The following SIK3 variants were observed in gnomAD, a reference collection of about 807,000 sequenced individuals.
The protein encoded by SIK3 is serine/threonine-protein kinase SIK3.
In SIK3, 28 loss-of-function variants were observed where a neutral mutation model predicts 144.2. The ratio of observed to expected loss-of-function variants is 0.19; its 90% CI spans 0.14 to 0.27. The LOEUF (loss-of-function observed/expected upper bound fraction) is 0.27. Among genes scored for constraint, SIK3 ranks in the 10% least tolerant of loss-of-function variants. The pLI is 1.00. For synonymous variants in SIK3, 686 were observed against 676.3 expected (o/e 1.01, Z -0.22); for missense variants, 1,319 against 1,776.0 (o/e 0.74, Z 4.62).
Position 116,957,041 on chromosome 11 carries a change from C to A in SIK3, c.297G>T (p.Lys99Asn). ...TCAAGTTTTCTTCATCCAGCTGGGT[C>A]TTATCTATGATCTTGATAGCAACCT... is the stretch of plus-strand genomic sequence containing the variant. ...KAKVAIKIID[K>N]TQLDEENLKK... The change falls in exon 2 of 25, where the codon AAG becomes AAT. Residue 99 changes from lysine (K) to asparagine (N), a missense_variant. This residue lies in a region of SIK3 where 125 missense variants were observed against 285.2 expected (regional missense o/e 0.44). Transcript: ENST00000445177. 1 of 1,607,042 alleles carries A rather than the reference C, an allele frequency of 6.2e-7. No homozygotes were observed. The highest frequency in any genetic ancestry group is 1.1e-5 in the South Asian group (1 of 89,636).
At position 116,844,647 on chromosome 11, in the gene SIK3, TTA is replaced by T. The variant is rs1409435191; in HGVS notation, c.*994_*995del. ...TATATATAATATATTATATTATATA[TTA>T]TATATATAATATATATATACACATA... On this transcript the variant is annotated 3_prime_UTR_variant, in exon 25 of 25. Coordinates refer to ENST00000445177, the MANE Select transcript of SIK3 (RefSeq NM_001366686.3). 5.5e-5 allele frequency: 6 copies of T among 109,514 alleles called. No homozygotes were observed. The highest frequency in any genetic ancestry group is 3.1e-4 in the South Asian group (1 of 3,224). The allele number at this position is 109,514 out of a possible 1,614,324, so 6.8% of individuals were successfully genotyped here.
chr11:116,955,234 C>A (rs1949096477), intron 2 of SIK3, among the ~76,000 whole-genome samples: 1 of 152,028 alleles, frequency 6.6e-6, no homozygotes, highest in South Asian at 2.1e-4. Flanking sequence ...CCCGTTTCTA[C>A]TAAAAATACA....
intron 4 of SIK3, among the ~76,000 whole-genome samples, chr11:116,921,565 T>C (rs1434277836): frequency 6.6e-6 from 1 of 152,300 alleles, no homozygotes; most frequent in Non-Finnish European, 1.5e-5. Context: ...AGAGATGGAA[T>C]CTCACTATGT....
In SIK3 at chr11:116,858,285, C is replaced by T. The variant is rs1287671435; in HGVS notation, c.3180G>A (p.Gln1060=). The T allele has an allele frequency of 1.8e-5, 29 of 1,610,458 alleles. No homozygotes were observed. The highest frequency in any genetic ancestry group is 2.5e-5 in the Non-Finnish European group (29 of 1,178,992). ...GCCTGAACAGTTCCTGGTATTCTTGCTGTTGCTGCTGTTGCTGCTGCTGCT... is the reference window on the plus strand; with the variant it reads ...GCCTGAACAGTTCCTGGTATTCTTGTTGTTGCTGCTGTTGCTGCTGCTGCT... ...QRQQQQQQQQ[Q]QEYQELFRHM... Residue 1060 remains glutamine, a synonymous_variant, in exon 21 of 25, where the codon CAG becomes CAA. Transcript: ENST00000445177. This position sits in a 1 kb window ranked among gnomAD's most constrained non-coding sequence, Gnocchi z 5.4.
intron 1 of SIK3, among the ~76,000 whole-genome samples, chr11:117,063,378 C>T (rs1953884282): frequency 6.6e-6 from 1 of 152,128 alleles, no homozygotes; most frequent in South Asian, 2.1e-4. Context: ...AGGCAATACT[C>T]TCTTGGTTTC....
intron 1 of SIK3, among the ~76,000 whole-genome samples, chr11:117,066,974 C>T (rs1245124175): frequency 6.6e-6 from 1 of 152,112 alleles, no homozygotes; most frequent in Non-Finnish European, 1.5e-5. Flanking sequence ...CACAAGATAC[C>T]ATGACACAAC....
chr11:117,074,934 A>G (rs1016193287), intron 1 of SIK3, among the ~76,000 whole-genome samples: 1 of 151,778 alleles, frequency 6.6e-6, no homozygotes, highest in Non-Finnish European at 1.5e-5. Flanking sequence ...CTCAAAACAA[A>G]AAAAAAAAAC....
chr11:116,868,063 T>A lies in SIK3; in HGVS notation c.1835A>T (p.His612Leu). 1 of 1,550,634 alleles carries A rather than the reference T, an allele frequency of 6.4e-7. No individual in the cohort carries two copies. The change falls in exon 15 of 25, where the codon CAT (histidine) becomes CTT (leucine). Residue 612 changes from histidine to leucine, a missense_variant. His to Leu is a moderately conservative substitution (Grantham distance 99, BLOSUM62 -3). Coordinates refer to ENST00000445177, the MANE Select transcript of SIK3 (RefSeq NM_001366686.3). ...QRYLANRSKRHTLAMTNPTAE... is the reference protein window; with the variant it reads ...QRYLANRSKRLTLAMTNPTAE... ...TGTAGGGTTGGTCATGGCCAGTGTA[T>A]GTCTTTTGGACCTATTTGCCAAGTA...
At chr11:117,067,106 G>A (rs1196075038) in intron 1 of SIK3, among the ~76,000 whole-genome samples, 1 of 152,124 alleles carries the variant, frequency 6.6e-6, no homozygotes, top group Non-Finnish European at 1.5e-5. Context: ...AACTTTGGAA[G>A]ACAATTTGGC....
chr11:116,911,302 G>T (rs1946331479), intron 4 of SIK3, among the ~76,000 whole-genome samples: 1 of 151,762 alleles, frequency 6.6e-6, no homozygotes, highest in South Asian at 2.1e-4. Context: ...GAGGTCAGGA[G>T]TTCGAGACCA....
intron 1 of SIK3, among the ~76,000 whole-genome samples, chr11:117,021,058 G>C (rs1041430810): frequency 6.6e-6 from 1 of 152,182 alleles, no homozygotes; most frequent in Non-Finnish European, 1.5e-5. Flanking sequence ...AACTGCATTA[G>C]AGGACACCAG....
chr11:116,905,470 G>A (rs1023273401), intron 4 of SIK3, among the ~76,000 whole-genome samples: 7 of 152,154 alleles, frequency 4.6e-5, no homozygotes, highest in Non-Finnish European at 2.9e-5. Flanking sequence ...ATATATACCT[G>A]GGAGTGGAAC....
rs926368501 is a variant in SIK3, at chr11:116,844,338, A to C, written c.*1305T>G. On this transcript the variant is annotated 3_prime_UTR_variant, in exon 25 of 25. Coordinates refer to ENST00000445177, the MANE Select transcript of SIK3 (RefSeq NM_001366686.3). ...CTTTGAACAAAAGGTGCAAGTCACAATTCAAATAGAACAGAATCTGGTTAA... is the reference window on the plus strand; with the variant it reads ...CTTTGAACAAAAGGTGCAAGTCACACTTCAAATAGAACAGAATCTGGTTAA... 2 of 152,138 alleles carry C rather than the reference A, an allele frequency of 1.3e-5. No individual in the cohort carries two copies. The highest frequency in any genetic ancestry group is 2.9e-5 in the Non-Finnish European group (2 of 68,024). The allele number at this position is 152,138 out of a possible 1,614,324, so 9.4% of individuals were successfully genotyped here.
intron 4 of SIK3, among the ~76,000 whole-genome samples, chr11:116,923,649 A>T (rs1477392870): frequency 6.6e-6 from 1 of 152,242 alleles, no homozygotes; most frequent in African/African-American, 2.4e-5. Flanking sequence ...GCAGGCCGCA[A>T]AACTAGAGGT....
chr11:116,908,574 C>T (rs1946174674), intron 4 of SIK3, among the ~76,000 whole-genome samples: 1 of 151,814 alleles, frequency 6.6e-6, no homozygotes, highest in Non-Finnish European at 1.5e-5. Context: ...GAAACAAACT[C>T]CTATAAATCA....
In SIK3 at chr11:116,907,401, C is replaced by G. The variant is rs904240008; in HGVS notation, c.617-10084G>C. Among the ~76,000 whole-genome samples, 4 of 152,190 alleles carry G rather than the reference C, an allele frequency of 2.6e-5. No homozygotes were observed. In the East Asian group the frequency reaches 7.7e-4, roughly 29 times the overall value. On this transcript the variant is annotated intron_variant, in intron 4 of 24. Transcript: ENST00000445177. Reference sequence around the variant, plus strand: ...GTGGCTCACACCTGTAATCCCAGAACTTTGGGAGGCCAAGGCTGGCGGATC... The same window carrying G: ...GTGGCTCACACCTGTAATCCCAGAAGTTTGGGAGGCCAAGGCTGGCGGATC...
chr11:116,945,712 G>A (rs893444719), intron 3 of SIK3, among the ~76,000 whole-genome samples: 4 of 152,032 alleles, frequency 2.6e-5, no homozygotes, highest in Non-Finnish European at 5.9e-5. Flanking sequence ...CCAATTGTCT[G>A]TCTTATTCAA....
chr11:117,009,533 C>A (rs1242760360), intron 1 of SIK3, among the ~76,000 whole-genome samples: 1 of 151,424 alleles, frequency 6.6e-6, no homozygotes, highest in African/African-American at 2.4e-5. Context: ...GCACTCCAGC[C>A]TGGGTGACAA....
At chr11:116,888,772 G>C (rs1025214530) in intron 6 of SIK3, among the ~76,000 whole-genome samples, 2 of 152,198 alleles carry the variant, frequency 1.3e-5, no homozygotes, top group Non-Finnish European at 2.9e-5. Flanking sequence ...ACTACGTTTA[G>C]GATAATCCTG....
Sources: allele counts gnomAD v4.1 joint callset (sites outside exome capture counted in the v4.1 genomes callset), GRCh38; gene constraint gnomAD v4.1.1; regional missense constraint gnomAD v4.1.1; non-coding constraint Gnocchi (gnomAD v3.1); transcripts MANE v1.5; gene names NCBI Gene and HGNC (gene_info 2026-07-23, HGNC 2026-07-21).